The following RBFOX1 variants were observed in gnomAD, a reference collection of about 807,000 sequenced individuals.
The protein encoded by RBFOX1 is RNA binding fox-1 homolog 1.
In RBFOX1, 8 loss-of-function variants were observed where a neutral mutation model predicts 57.7. The observed-to-expected ratio is 0.14, with a 90% confidence interval of 0.08 to 0.25. The LOEUF (loss-of-function observed/expected upper bound fraction) is 0.25. RBFOX1 is among the 10% of genes least tolerant of loss of function. The probability of loss-of-function intolerance (pLI) is 1.00; values close to 1 mark genes in which losing one functional copy is unlikely to be tolerated. For missense variants in RBFOX1, 611 were observed against 548.5 expected, an observed-to-expected ratio of 1.11 and a Z score of -1.14; for synonymous variants, 326 against 222.4, an observed-to-expected ratio of 1.47 and a Z score of -4.15.
intron 4 of RBFOX1, among the ~76,000 whole-genome samples, chr16:7,248,148 C>T (rs73552731): frequency 0.021 from 3,213 of 152,280 alleles, 107 homozygotes; most frequent in African/African-American, 0.074. Context: ...AGATGGCTCT[C>T]AGTTTTGAGC....
intron 4 of RBFOX1, among the ~76,000 whole-genome samples, chr16:7,277,229 G>A (rs145919276): frequency 6.6e-6 from 1 of 152,120 alleles, no homozygotes; most frequent in East Asian, 1.9e-4. Context: ...CTGGAGGAAT[G>A]GTTTCTGTTG....
chr16:5,738,448 A>G (rs1396737318), intron 3 of RBFOX1, among the ~76,000 whole-genome samples: 1 of 151,824 alleles, frequency 6.6e-6, no homozygotes, highest in Non-Finnish European at 1.5e-5. Flanking sequence ...ACTGGCCAAC[A>G]TGGTGAAACC....
intron 3 of RBFOX1, among the ~76,000 whole-genome samples, chr16:7,028,847 T>A (rs1048282859): frequency 1.3e-5 from 2 of 150,758 alleles, no homozygotes; most frequent in African/African-American, 4.9e-5. Flanking sequence ...TGAGAAAAGG[T>A]GTGGGCATCG....
At chr16:5,963,812 C>G (rs1331520316) in intron 4 of RBFOX1, among the ~76,000 whole-genome samples, 25 of 152,092 alleles carry the variant, frequency 1.6e-4, no homozygotes, top group Admixed American at 1.6e-3. Context: ...CTCCTAGAAA[C>G]AAAACAGGAG....
At chr16:6,457,921 G>T (rs150647605) in intron 2 of RBFOX1, among the ~76,000 whole-genome samples, 10 of 152,214 alleles carry the variant, frequency 6.6e-5, no homozygotes, top group African/African-American at 2.2e-4. Context: ...AAGAAGCCCA[G>T]TGTGCCCTTT....
chr16:7,498,492 A>T (rs146613786), intron 4 of RBFOX1, among the ~76,000 whole-genome samples: 2,351 of 152,266 alleles, frequency 0.015, 27 homozygotes, highest in Non-Finnish European at 0.027. Flanking sequence ...GCAAAACAAA[A>T]TGCGTGATTT....
At chr16:6,300,534 A>G (rs533162409) in intron 1 of RBFOX1, among the ~76,000 whole-genome samples, 4 of 152,204 alleles carry the variant, frequency 2.6e-5, no homozygotes, top group Admixed American at 2.0e-4. Flanking sequence ...TGGTACATAT[A>G]AAGTATTTAG....
chr16:7,495,609 T>A (rs1174930850), intron 4 of RBFOX1, among the ~76,000 whole-genome samples: 1 of 152,244 alleles, frequency 6.6e-6, no homozygotes, highest in Non-Finnish European at 1.5e-5. Flanking sequence ...TTGACTGTGT[T>A]TATATCTTCT....
chr16:5,307,284 C>T (rs140628320), intron 1 of RBFOX1, among the ~76,000 whole-genome samples: 53 of 152,300 alleles, frequency 3.5e-4, no homozygotes, highest in African/African-American at 1.2e-3. Flanking sequence ...TTCTGGCACT[C>T]AGGTGTGCAA....
chr16:6,773,638 GTA>G (rs1387178536), intron 3 of RBFOX1, among the ~76,000 whole-genome samples: 5 of 135,858 alleles, frequency 3.7e-5, no homozygotes, highest in Non-Finnish European at 7.8e-5. Context: ...ATTTGTGTGT[GTA>G]TGTGTGGGTG....
intron 2 of RBFOX1, among the ~76,000 whole-genome samples, chr16:5,552,045 C>G (rs1009271498): frequency 7.9e-5 from 12 of 152,236 alleles, no homozygotes; most frequent in African/African-American, 2.9e-4. Context: ...GCTCTGGTTT[C>G]CTCATCTAAG....
rs116800149 is a variant in RBFOX1 at position 6,986,000 on chromosome 16, A to T, written c.-15-66057A>T. 8.7e-3 allele frequency among the ~76,000 whole-genome samples: 1,322 copies of T among 151,676 alleles called. 23 individuals carry two copies. Among genetic ancestry groups the T allele is most frequent in the African/African-American group, 0.03 (1,257 of 41,420 alleles). On this transcript the variant is annotated intron_variant, in intron 3 of 15. Coordinates refer to ENST00000550418, the MANE Select transcript of RBFOX1 (RefSeq NM_018723.4). ...TACCGGACGAGAGAAATTTTTTTTC[A>T]TAAAACATCTTGCAGAAACTCACTT...
At chr16:6,230,411 G>C (rs940498335) in intron 1 of RBFOX1, among the ~76,000 whole-genome samples, 6 of 152,096 alleles carry the variant, frequency 3.9e-5, no homozygotes, top group Non-Finnish European at 7.4e-5. Context: ...CTCTGATCAC[G>C]CTATTATTCT....
intron 4 of RBFOX1, among the ~76,000 whole-genome samples, chr16:5,953,623 A>C (rs976103119): frequency 1.3e-5 from 2 of 151,986 alleles, no homozygotes; most frequent in African/African-American, 4.8e-5. Context: ...TAGTTCACTT[A>C]GAATAATAGT....
At chr16:6,663,419 C>T (rs963606815) in intron 3 of RBFOX1, among the ~76,000 whole-genome samples, 2 of 152,166 alleles carry the variant, frequency 1.3e-5, no homozygotes, top group Admixed American at 6.5e-5. Context: ...GGATTTGTTT[C>T]TATTAGTGCC....
intron 3 of RBFOX1, chr16:6,983,512 C>A (rs1039055710): frequency 2.0e-5 from 3 of 150,984 alleles, no homozygotes; most frequent in African/African-American, 7.3e-5. Context: ...CTTATAAGAG[C>A]AATGTAAGCA....
intron 4 of RBFOX1, among the ~76,000 whole-genome samples, chr16:5,896,612 A>T (rs2058169096): frequency 6.6e-6 from 1 of 152,128 alleles, no homozygotes; most frequent in South Asian, 2.1e-4. Context: ...TTCTTTATAC[A>T]TTACCCAGCC....
intron 4 of RBFOX1, among the ~76,000 whole-genome samples, chr16:7,465,326 T>C (rs1006712720): frequency 2.6e-5 from 4 of 152,184 alleles, no homozygotes; most frequent in African/African-American, 9.7e-5. Flanking sequence ...TCGTGTTGGG[T>C]GGGATCCTCT....
rs182851862 is a variant in RBFOX1, at chr16:6,891,523, C to T, written c.-15-160534C>T. Among the ~76,000 whole-genome samples the T allele has an allele frequency of 2.9e-3, 437 of 152,146 alleles. 1 individual carries two copies. Among genetic ancestry groups the T allele is most frequent in the Middle Eastern group, 0.014 (4 of 294 alleles). The stretch of plus-strand genomic sequence containing the variant: ...GAAGATATATCAGCTACATAAACTT[C>T]CCAGTCCTGCCTTATTTATTAGTCT... On this transcript the variant is annotated intron_variant, in intron 3 of 15. Transcript: ENST00000550418.
Sources: gnomAD v4.1 joint callset for allele counts (sites outside exome capture counted in the v4.1 genomes callset) on GRCh38, gnomAD v4.1.1 for gene constraint, MANE v1.5 for transcripts, NCBI Gene and HGNC (gene_info 2026-07-23, HGNC 2026-07-21) for gene names.